Variants in FSHR observed in about 807,000 individuals in gnomAD.
The protein encoded by FSHR is follicle-stimulating hormone receptor.
A neutral mutation model predicts 52.1 loss-of-function variants in FSHR; 46 were observed. The ratio of observed to expected loss-of-function variants is 0.88; its 90% CI spans 0.70 to 1.13. The LOEUF is 1.13. Ranked by LOEUF, FSHR falls within the 50% of genes most tolerant of loss-of-function variation. The probability of loss-of-function intolerance (pLI) is 0.00; values close to 1 mark genes in which losing one functional copy is unlikely to be tolerated. For missense variants in FSHR, 964 were observed against 834.6 expected (o/e 1.16, Z -1.91); for synonymous variants, 399 against 309.6 (o/e 1.29, Z -3.03).
intron 4 of FSHR, among the ~76,000 whole-genome samples, chr2:49,015,453 A>T (rs1667452487): frequency 6.6e-6 from 1 of 152,170 alleles, no homozygotes; most frequent in Non-Finnish European, 1.5e-5. Context: ...AGCACTTCGT[A>T]TTTGACAAAA....
chr2:49,037,405 A>G (rs762491662), intron 2 of FSHR, among the ~76,000 whole-genome samples: 1 of 152,216 alleles, frequency 6.6e-6, no homozygotes, highest in Non-Finnish European at 1.5e-5. Context: ...CTTCTAACCC[A>G]CTTCATGGGA....
chr2:49,077,482 C>T (rs1488747322), intron 1 of FSHR, among the ~76,000 whole-genome samples: 1 of 152,174 alleles, frequency 6.6e-6, no homozygotes, highest in Non-Finnish European at 1.5e-5. Context: ...AGAGCAGCTG[C>T]TGTGAAGATC....
At chr2:49,009,502 T>A (rs7426210) in intron 4 of FSHR, among the ~76,000 whole-genome samples, 30 of 112,452 alleles carry the variant, frequency 2.7e-4, no homozygotes, top group African/African-American at 7.1e-4. Context: ...ATTGACTTGG[T>A]GATGCGGGCT....
chr2:49,055,979 G>T (rs1412477008), intron 2 of FSHR, among the ~76,000 whole-genome samples: 1 of 151,998 alleles, frequency 6.6e-6, no homozygotes, highest in Non-Finnish European at 1.5e-5. Context: ...AAAACTCACT[G>T]TTAGACTTGA....
rs1559068118 is a variant in FSHR, at chr2:48,963,155, C to T, written c.1666G>A (p.Val556Met). 1.4e-5 allele frequency: 23 copies of T among 1,613,918 alleles called. No homozygotes were observed. The highest frequency in any genetic ancestry group is 1.9e-5 in the Non-Finnish European group (22 of 1,180,018). The change falls in exon 10 of 10, where the codon GTG becomes ATG. Residue 556 changes from valine (V) to methionine (M), a missense_variant. By Grantham distance (21) the Val-to-Met change is conservative (BLOSUM62 1). Coordinates refer to ENST00000406846, the MANE Select transcript of FSHR (RefSeq NM_000145.4). ...CGCYIHIYLT[V>M]RNPNIVSSSS... ...GAGGACACGATGTTGGGGTTCCGCA[C>T]TGTGAGGTAGATGTGGATATAGCAG...
chr2:48,974,164 G>A (rs2104026172), intron 8 of FSHR, among the ~76,000 whole-genome samples: 1 of 152,276 alleles, frequency 6.6e-6, no homozygotes, highest in South Asian at 2.1e-4. Flanking sequence ...TTCTGCAGCA[G>A]GTAAGTATAT....
intron 8 of FSHR, among the ~76,000 whole-genome samples, chr2:48,973,104 C>G (rs1390081670): frequency 6.6e-6 from 1 of 152,212 alleles, no homozygotes; most frequent in East Asian, 1.9e-4. Context: ...TTTAAGAGCA[C>G]TGACATCTTC....
chr2:49,056,330 A>G (rs1295517440), intron 2 of FSHR, among the ~76,000 whole-genome samples: 1 of 151,790 alleles, frequency 6.6e-6, no homozygotes, highest in African/African-American at 2.4e-5. Context: ...AGTGAGCAGG[A>G]ATAGCTATAC....
chr2:48,993,287 C>G (rs994355818), intron 4 of FSHR, among the ~76,000 whole-genome samples: 1 of 152,182 alleles, frequency 6.6e-6, no homozygotes, highest in Admixed American at 6.5e-5. Flanking sequence ...ACATAGCCAA[C>G]TAAACTTGTT....
chr2:48,976,191 A>G (rs529099678), intron 8 of FSHR, among the ~76,000 whole-genome samples: 48 of 152,326 alleles, frequency 3.2e-4, no homozygotes, highest in African/African-American at 9.6e-4. Context: ...ACTTTTTAGC[A>G]TGAAGTGGTG....
At chr2:49,126,941 T>C (rs924189700) in intron 1 of FSHR, among the ~76,000 whole-genome samples, 1 of 152,104 alleles carries the variant, frequency 6.6e-6, no homozygotes, top group East Asian at 1.9e-4. Flanking sequence ...TTCACTTCTG[T>C]AAGCTGGTAG....
chr2:49,005,809 G>A (rs1667055668), intron 4 of FSHR, among the ~76,000 whole-genome samples: 1 of 152,100 alleles, frequency 6.6e-6, no homozygotes, highest in Admixed American at 6.6e-5. Flanking sequence ...AATATTGAGT[G>A]CCAACTTGAA....
At chr2:49,041,980 T>C (rs1668493498) in intron 2 of FSHR, among the ~76,000 whole-genome samples, 1 of 152,066 alleles carries the variant, frequency 6.6e-6, no homozygotes, top group Admixed American at 6.6e-5. Flanking sequence ...ACTGTGTCTA[T>C]AAGAAATACA....
chr2:48,974,665 C>G (rs1053724929), intron 8 of FSHR, among the ~76,000 whole-genome samples: 2 of 152,180 alleles, frequency 1.3e-5, no homozygotes, highest in African/African-American at 4.8e-5. Context: ...AAACATGGAA[C>G]CTGTCAAGAC....
At chr2:48,974,323 C>A (rs1455811143) in intron 8 of FSHR, among the ~76,000 whole-genome samples, 1 of 152,158 alleles carries the variant, frequency 6.6e-6, no homozygotes, top group East Asian at 1.9e-4. Flanking sequence ...GATTGGGAAG[C>A]CTCCTTGGTA....
At chr2:49,082,124 C>G (rs1470305442) in intron 1 of FSHR, among the ~76,000 whole-genome samples, 2 of 152,174 alleles carry the variant, frequency 1.3e-5, no homozygotes, top group Non-Finnish European at 2.9e-5. Flanking sequence ...TTGAAGAGAG[C>G]AGTGGTTCTC....
rs561063891 is a variant in FSHR, at chr2:49,080,478, G to C, written c.153-12188C>G. The stretch of plus-strand genomic sequence containing the variant: ...ACATAAATACAATTAATGCACTGTG[G>C]TATATTTACACAATGCCAAATTTTA... On this transcript the variant is annotated intron_variant, in intron 1 of 9. Coordinates refer to ENST00000406846, the MANE Select transcript of FSHR (RefSeq NM_000145.4). Among the ~76,000 whole-genome samples, 5 of 152,132 alleles carry C rather than the reference G, an allele frequency of 3.3e-5. No individual in the cohort carries two copies. In the South Asian group the frequency reaches 6.2e-4, roughly 19 times the overall value.
intron 2 of FSHR, among the ~76,000 whole-genome samples, chr2:49,063,432 CTA>C (rs34150512): frequency 0.35 from 51,999 of 148,804 alleles, 9,464 homozygotes; most frequent in East Asian, 0.48. Flanking sequence ...AAAGAAAATG[CTA>C]TATATATATA....
chr2:49,040,962 A>G (rs1399320498), intron 2 of FSHR, among the ~76,000 whole-genome samples: 1 of 152,244 alleles, frequency 6.6e-6, no homozygotes, highest in Non-Finnish European at 1.5e-5. Context: ...GATTTGGAAT[A>G]GGAATGGGAT....
Sources: allele counts gnomAD v4.1 joint callset (sites outside exome capture counted in the v4.1 genomes callset), GRCh38; gene constraint gnomAD v4.1.1; transcripts MANE v1.5; gene names NCBI Gene and HGNC (gene_info 2026-07-23, HGNC 2026-07-21).